NRXN3: variants seen among roughly 807,000 people sequenced by gnomAD.
The protein encoded by NRXN3 is neurexin III.
In NRXN3, 32 loss-of-function variants were observed where a neutral mutation model predicts 137.6. The ratio of observed to expected loss-of-function variants is 0.23; its 90% confidence interval spans 0.18 to 0.31. The LOEUF (loss-of-function observed/expected upper bound fraction) is 0.31, where lower values mean the gene tolerates loss of function less well. Among genes scored for constraint, NRXN3 ranks in the 10% least tolerant of loss-of-function variants. The probability of loss-of-function intolerance (pLI) is 1.00; values close to 1 mark genes in which losing one functional copy is unlikely to be tolerated. For missense variants in NRXN3, 1,574 were observed against 2,062.5 expected (o/e 0.76, Z 4.59); for synonymous variants, 798 against 784.5 (o/e 1.02, Z -0.29).
intron 15 of NRXN3, among the ~76,000 whole-genome samples, chr14:79,450,562 G>A (rs1310336905): frequency 6.8e-6 from 1 of 147,692 alleles, no homozygotes; most frequent in South Asian, 2.1e-4. Context: ...ATTATGATTT[G>A]TCAATTAAAA....
intron 4 of NRXN3, among the ~76,000 whole-genome samples, chr14:78,352,205 G>T (rs1169536722): frequency 1.3e-5 from 2 of 151,940 alleles, no homozygotes; most frequent in Non-Finnish European, 1.5e-5. Flanking sequence ...TTTGTGTGTG[G>T]TGCAAGAAGT....
chr14:78,610,366 G>T (rs1278971179), intron 4 of NRXN3, among the ~76,000 whole-genome samples: 3 of 152,122 alleles, frequency 2.0e-5, no homozygotes, highest in African/African-American at 7.2e-5. Context: ...AAAATCCTAA[G>T]ATCTGGCCAA....
intron 16 of NRXN3, among the ~76,000 whole-genome samples, chr14:79,520,980 C>T (rs925721711): frequency 6.6e-6 from 1 of 152,142 alleles, no homozygotes; most frequent in Non-Finnish European, 1.5e-5. Flanking sequence ...ATGTTTATTG[C>T]AGCACTGTTT....
intron 17 of NRXN3, among the ~76,000 whole-genome samples, chr14:79,688,685 A>G (rs1261186236): frequency 6.6e-6 from 1 of 152,106 alleles, no homozygotes. Context: ...TAAAGGTTGG[A>G]ACTATGAACC....
chr14:78,569,992 A>G (rs2096875019), intron 4 of NRXN3, among the ~76,000 whole-genome samples: 1 of 152,240 alleles, frequency 6.6e-6, no homozygotes, highest in Admixed American at 6.5e-5. Flanking sequence ...CCTGTTCTCC[A>G]TTTCCACATG....
At chr14:79,828,649 G>T (rs960829283) in intron 20 of NRXN3, among the ~76,000 whole-genome samples, 6 of 57,272 alleles carry the variant, frequency 1.0e-4, no homozygotes, top group African/African-American at 1.3e-4. Context: ...AAGTAAAATT[G>T]TCTTTTTTTT....
At chr14:79,294,718 T>G (rs1311581579) in intron 15 of NRXN3, among the ~76,000 whole-genome samples, 1 of 151,820 alleles carries the variant, frequency 6.6e-6, no homozygotes, top group Admixed American at 6.6e-5. Flanking sequence ...CAGAGAGGAG[T>G]GTTTGCAAAA....
chr14:78,641,463 C>T (rs1318410468), intron 4 of NRXN3, among the ~76,000 whole-genome samples: 1 of 152,126 alleles, frequency 6.6e-6, no homozygotes, highest in Non-Finnish European at 1.5e-5. Context: ...CAGAGCGAGA[C>T]TCTGTCTCAA....
intron 4 of NRXN3, among the ~76,000 whole-genome samples, chr14:78,543,073 C>T (rs769114211): frequency 2.6e-5 from 4 of 152,060 alleles, no homozygotes; most frequent in Non-Finnish European, 5.9e-5. Context: ...ACTGTAGCCT[C>T]ATAGGTACTC....
intron 13 of NRXN3, 28 bp from the exon 14 acceptor site, chr14:78,968,145 C>G (rs764840936): frequency 7.3e-7 from 1 of 1,378,768 alleles, no homozygotes; most frequent in African/African-American, 1.5e-5. Context: ...TTTACTCATT[C>G]TCTTTTGCTA....
rs541677122 is a variant in NRXN3 at position 78,762,244 on chromosome 14, A to G, written c.2045-41376A>G. Among the ~76,000 whole-genome samples the G allele has an allele frequency of 3.9e-5, 6 of 152,206 alleles. No individual in the cohort carries two copies. In the South Asian group the frequency reaches 1.2e-3, roughly 32 times the overall value. ...GTTCCTGATTTCTTTTTTAGCACATAACATACCTTTCTGACCCTGCCACCT... is the reference window on the plus strand; with the variant it reads ...GTTCCTGATTTCTTTTTTAGCACATGACATACCTTTCTGACCCTGCCACCT... On this transcript the variant is annotated intron_variant, in intron 8 of 20. Transcript: ENST00000335750.
intron 19 of NRXN3, among the ~76,000 whole-genome samples, chr14:79,798,533 C>T (rs1011485079): frequency 9.9e-5 from 15 of 152,078 alleles, no homozygotes; most frequent in South Asian, 2.1e-4. Flanking sequence ...CCTTTTTCAC[C>T]GGAAGAAAGG....
At position 79,803,020 on chromosome 14, in the gene NRXN3, C is replaced by T. The variant is rs554002592; in HGVS notation, c.4015-2092C>T. 2.1e-4 allele frequency among the ~76,000 whole-genome samples: 32 copies of T among 152,160 alleles called. No homozygotes were observed. In the Middle Eastern group the frequency reaches 0.01, roughly 49 times the overall value. On this transcript the variant is annotated intron_variant, in intron 19 of 20. Transcript: ENST00000335750. ...CTATGTAACAAACCTGCACGTTTTG[C>T]ACATGTATCCTGGAACTTTAATAAA...
At chr14:78,333,732 G>C (rs2081113416) in intron 4 of NRXN3, among the ~76,000 whole-genome samples, 2 of 152,122 alleles carry the variant, frequency 1.3e-5, no homozygotes, top group Non-Finnish European at 2.9e-5. Context: ...TGTGTGTGGG[G>C]GGCATATTTT....
At chr14:78,734,080 G>A (rs375703616) in intron 8 of NRXN3, among the ~76,000 whole-genome samples, 11 of 152,066 alleles carry the variant, frequency 7.2e-5, no homozygotes, top group Non-Finnish European at 1.3e-4. Context: ...CTCCACTCTC[G>A]AATGCAGTGA....
At chr14:78,657,148 A>G (rs561813338) in intron 6 of NRXN3, among the ~76,000 whole-genome samples, 3 of 151,912 alleles carry the variant, frequency 2.0e-5, no homozygotes, top group South Asian at 2.1e-4. Context: ...ACTGCAGACA[A>G]CTGCTTCCTT....
At chr14:78,566,617 CGAGCTCTGCGTGCT>C (rs2096838776) in intron 4 of NRXN3, among the ~76,000 whole-genome samples, 1 of 152,166 alleles carries the variant, frequency 6.6e-6, no homozygotes, top group Non-Finnish European at 1.5e-5. Context: ...GAAGGAGCAG[CGAGCTCTGCGTGCT>C]TGCCCCGAGC....
chr14:78,660,253 T>TTA (rs373491178), intron 6 of NRXN3, among the ~76,000 whole-genome samples: 26,439 of 139,452 alleles, frequency 0.19, 3,142 homozygotes, highest in African/African-American at 0.34. Flanking sequence ...AGAAGTAGAT[T>TTA]TATATATATA....
rs980365022 is a variant in NRXN3, at chr14:78,243,575, T to G, written c.482T>G (p.Leu161Arg). 3 of 1,598,440 alleles carry G rather than the reference T, an allele frequency of 1.9e-6. No homozygotes were observed. In the African/African-American group the frequency reaches 4.0e-5, roughly 21 times the overall value. The change falls in exon 2 of 21, where the codon CTG (leucine) becomes CGG (arginine). Residue 161 changes from leucine (L) to arginine (R), a missense_variant. Leu to Arg is a moderately radical substitution (Grantham distance 102). Transcript: ENST00000335750. This position sits in a 1 kb window ranked among gnomAD's most constrained non-coding sequence, Gnocchi z 4.2. ...CCTACTGACATACGACCTTCTGCCC[T>G]GACCCTTGATGGAGTTCAGGCCATG... ...GVPTDIRPSA[L>R]TLDGVQAMPG... is the part of the protein sequence containing the mutation.
Sources: allele counts gnomAD v4.1 joint callset (sites outside exome capture counted in the v4.1 genomes callset), GRCh38; gene constraint gnomAD v4.1.1; non-coding constraint Gnocchi (gnomAD v3.1); transcripts MANE v1.5; gene names NCBI Gene and HGNC (gene_info 2026-07-23, HGNC 2026-07-21).